UGT3A2: variants seen among roughly 807,000 people sequenced by gnomAD.
UGT3A2 encodes the protein UDP glycosyltransferase family 3 member A2.
A neutral mutation model predicts 39.8 loss-of-function variants in UGT3A2; 32 were observed. The ratio of observed to expected loss-of-function variants is 0.80; its 90% CI spans 0.61 to 1.08. The LOEUF is 1.08. Ranked by LOEUF, UGT3A2 falls within the 50% of genes least tolerant of loss-of-function variation. The probability of loss-of-function intolerance (pLI) is 0.00; values close to 1 mark genes in which losing one functional copy is unlikely to be tolerated. For synonymous variants in UGT3A2, 241 were observed against 230.7 expected (o/e 1.04, Z -0.40); for missense variants, 611 against 637.1 (o/e 0.96, Z 0.44).
chr5:36,062,108 A>G (rs1175096688), intron 2 of UGT3A2, among the ~76,000 whole-genome samples: 1 of 151,550 alleles, frequency 6.6e-6, no homozygotes, highest in African/African-American at 2.4e-5. Flanking sequence ...TTTCTTGTAA[A>G]TTTGTTTGAG....
At chr5:36,037,277 G>A (rs1198880626) in intron 6 of UGT3A2, among the ~76,000 whole-genome samples, 1 of 152,144 alleles carries the variant, frequency 6.6e-6, no homozygotes, top group Non-Finnish European at 1.5e-5. Context: ...ACCTTAAGAA[G>A]TGTTAAGAAG....
At chr5:36,043,417 A>G (rs939039145) in intron 4 of UGT3A2, among the ~76,000 whole-genome samples, 4 of 152,114 alleles carry the variant, frequency 2.6e-5, no homozygotes, top group Non-Finnish European at 5.9e-5. Flanking sequence ...ATAAGTGCCT[A>G]CATCAAAAGA....
At chr5:36,063,586 G>A (rs185748650) in intron 2 of UGT3A2, among the ~76,000 whole-genome samples, 2 of 152,248 alleles carry the variant, frequency 1.3e-5, no homozygotes, top group East Asian at 3.9e-4. Context: ...AAAGAACAGT[G>A]ATTCTTACAT....
At chr5:36,059,436 C>A (rs1358519824) in intron 2 of UGT3A2, among the ~76,000 whole-genome samples, 1 of 147,348 alleles carries the variant, frequency 6.8e-6, no homozygotes, top group African/African-American at 2.6e-5. Flanking sequence ...AATTTTTTGC[C>A]CCACCTATAA....
intron 1 of UGT3A2, among the ~76,000 whole-genome samples, chr5:36,066,390 C>T (rs1185844562): frequency 2.0e-5 from 3 of 152,178 alleles, no homozygotes; most frequent in African/African-American, 7.2e-5. Flanking sequence ...GAAGGCAGCC[C>T]AGGAACTCAA....
At chr5:36,053,469 G>C (rs1007440650) in intron 2 of UGT3A2, among the ~76,000 whole-genome samples, 3 of 152,060 alleles carry the variant, frequency 2.0e-5, no homozygotes, top group African/African-American at 7.3e-5. Flanking sequence ...AGCCCACATT[G>C]CATAGGAACC....
intron 4 of UGT3A2, among the ~76,000 whole-genome samples, chr5:36,042,204 T>C (rs1290003630): frequency 6.6e-6 from 1 of 151,996 alleles, no homozygotes; most frequent in Non-Finnish European, 1.5e-5. Flanking sequence ...AAGATATAAA[T>C]AGAACCAACA....
chr5:36,041,095 A>T (rs1240804806), intron 4 of UGT3A2, among the ~76,000 whole-genome samples: 1 of 152,114 alleles, frequency 6.6e-6, no homozygotes, highest in Non-Finnish European at 1.5e-5. Context: ...GCCTGGCAGG[A>T]TTCACCACCT....
chr5:36,036,018 C>A (rs746402410), intron 6 of UGT3A2, 44 bp from the exon 7 acceptor site: 2 of 1,596,780 alleles, frequency 1.3e-6, no homozygotes, highest in Admixed American at 3.4e-5. Context: ...TGTGACCTCA[C>A]AAGAGTTAGA....
intron 2 of UGT3A2, among the ~76,000 whole-genome samples, chr5:36,056,538 A>T (rs1388701062): frequency 6.6e-6 from 1 of 152,224 alleles, no homozygotes; most frequent in African/African-American, 2.4e-5. Flanking sequence ...GTTCTTTCTT[A>T]GCAGACTCAG....
chr5:36,061,245 T>TTAA (rs1742689999), intron 2 of UGT3A2, among the ~76,000 whole-genome samples: 1 of 151,628 alleles, frequency 6.6e-6, no homozygotes, highest in Non-Finnish European at 1.5e-5. Context: ...AATTTTATTA[T>TTAA]TATTATTATT....
In UGT3A2 at chr5:36,039,864, C is replaced by T. The variant is rs77991926; in HGVS notation, c.844-156G>A. Among the ~76,000 whole-genome samples the T allele has an allele frequency of 5.4e-4, 82 of 152,324 alleles. No homozygotes were observed. In the East Asian group the frequency reaches 0.014, roughly 27 times the overall value. On this transcript the variant is annotated intron_variant, in intron 4 of 6. Transcript: ENST00000282507. ...TCCTAGTATAGCTCGATACTAGCTG[C>T]ACTGTGGTCATGTCCTTTGTGTTGG...
At chr5:36,065,515 C>T (rs531460848) in intron 1 of UGT3A2, among the ~76,000 whole-genome samples, 23 of 152,250 alleles carry the variant, frequency 1.5e-4, no homozygotes, top group African/African-American at 5.5e-4. Context: ...TTCTTGGAGC[C>T]TGAGGAAGGA....
chr5:36,057,624 C>G (rs1035417598), intron 2 of UGT3A2, among the ~76,000 whole-genome samples: 1 of 151,856 alleles, frequency 6.6e-6, no homozygotes, highest in African/African-American at 2.4e-5. Flanking sequence ...CAGCTTCAGC[C>G]TCCAGGGCTC....
intron 4 of UGT3A2, among the ~76,000 whole-genome samples, chr5:36,046,680 A>G (rs1742177395): frequency 6.6e-6 from 1 of 152,230 alleles, no homozygotes; most frequent in Non-Finnish European, 1.5e-5. Context: ...TATAAGGTCC[A>G]GTGTTTGATA....
intron 2 of UGT3A2, among the ~76,000 whole-genome samples, chr5:36,057,632 C>T (rs80109883): frequency 0.039 from 5,891 of 151,764 alleles, 186 homozygotes; most frequent in East Asian, 0.12. Flanking sequence ...GCCTCCAGGG[C>T]TCACACAATC....
rs919361395 is a variant in UGT3A2 at position 36,064,041 on chromosome 5, GA to G, written c.196+207del. Among the ~76,000 whole-genome samples the G allele has an allele frequency of 3.0e-4, 46 of 150,832 alleles. 1 individual carries two copies. The highest frequency in any genetic ancestry group is 6.8e-3 in the Middle Eastern group (2 of 294). On this transcript the variant is annotated intron_variant, in intron 2 of 6. Coordinates refer to ENST00000282507, the MANE Select transcript of UGT3A2 (RefSeq NM_174914.4). ...GGATGGAGTAGAAGTCAAGTAAGGG[GA>G]AAAAAAAATATGGGAGTATGGAACG...
intron 2 of UGT3A2, among the ~76,000 whole-genome samples, chr5:36,052,447 C>T (rs912878528): frequency 1.0e-5 from 1 of 98,968 alleles, no homozygotes; most frequent in Non-Finnish European, 2.7e-5. Context: ...TCTTCATTAT[C>T]CATGTGTAAT....
rs368371626 is a variant in UGT3A2 at position 36,037,891 on chromosome 5, C to T, written c.1201G>A (p.Val401Ile). The change falls in exon 6 of 7, where the codon GTA becomes ATA. Residue 401 changes from valine (V) to isoleucine (I), a missense_variant. Val to Ile is a conservative substitution (Grantham distance 29). Coordinates refer to ENST00000282507, the MANE Select transcript of UGT3A2 (RefSeq NM_174914.4). ...FGDQPENMVR[V>I]EAKKFGVSIQ... ...GAAACACCAAACTTTTTGGCTTCTA[C>T]TCGGACCATGTTTTCAGGCTGGTCT... The T allele has an allele frequency of 8.9e-5, 143 of 1,613,894 alleles. No individual in the cohort carries two copies. Among genetic ancestry groups the T allele is most frequent in the Non-Finnish European group, 1.2e-4 (141 of 1,179,992 alleles).
Sources: allele counts gnomAD v4.1 joint callset (sites outside exome capture counted in the v4.1 genomes callset), GRCh38; gene constraint gnomAD v4.1.1; transcripts MANE v1.5; gene names NCBI Gene and HGNC (gene_info 2026-07-23, HGNC 2026-07-21).